The following CPT1A variants were observed in gnomAD, a reference collection of about 807,000 sequenced individuals.
CPT1A encodes the protein carnitine palmitoyltransferase 1A.
CPT1A carries 64 observed loss-of-function variants against 100.8 expected under a neutral mutation model. The ratio of observed to expected loss-of-function variants is 0.63; its 90% CI spans 0.52 to 0.78. CPT1A has a LOEUF of 0.78. Among genes scored for constraint, CPT1A ranks in the 30% least tolerant of loss-of-function variants. The pLI, the probability that CPT1A is intolerant of heterozygous loss-of-function variation, is 0.00. For synonymous variants in CPT1A, 363 were observed against 396.0 expected, an observed-to-expected ratio of 0.92 and a Z score of 0.99; for missense variants, 802 against 1,034.1, an observed-to-expected ratio of 0.78 and a Z score of 3.08.
chr11:68,786,034 G>A (rs144801029), intron 9 of CPT1A: 37 of 702,296 alleles, frequency 5.3e-5, no homozygotes, highest in South Asian at 2.2e-4. Flanking sequence ...AAGGCAGATC[G>A]TCTAGTGAGG....
chr11:68,768,066 CTTTTTTTTT>C (rs71043448), intron 14 of CPT1A, among the ~76,000 whole-genome samples: 50 of 71,248 alleles, frequency 7.0e-4, no homozygotes, highest in African/African-American at 1.7e-3. Context: ...AGTTTCCAGT[CTTTTTTTTT>C]TTTTTTTTTT....
intron 15 of CPT1A, 102 bp downstream of exon 15, chr11:68,762,525 G>A (rs1854656604): frequency 6.9e-7 from 1 of 1,451,664 alleles, no homozygotes; most frequent in Non-Finnish European, 9.6e-7. Flanking sequence ...AAAGAAGAAG[G>A]TACAGGAATG....
At position 68,773,440 on chromosome 11, in the gene CPT1A, A is replaced by C. The variant is rs778920950; in HGVS notation, c.1576-11T>G. ...TATAACCTCTTGACACTTGAGAGAAAGAAGAAAAAGGTTTTACGGAACGAG... is the reference window on the plus strand; with the variant it reads ...TATAACCTCTTGACACTTGAGAGAACGAAGAAAAAGGTTTTACGGAACGAG... On this transcript the variant is annotated splice_polypyrimidine_tract_variant and intron_variant, in intron 13 of 18. Transcript: ENST00000265641. The C allele has an allele frequency of 3.5e-5, 56 of 1,614,030 alleles. No individual in the cohort carries two copies. In the East Asian group the frequency reaches 5.1e-4, roughly 15 times the overall value.
At chr11:68,801,844 A>G (rs1053994652) in intron 5 of CPT1A, among the ~76,000 whole-genome samples, 4 of 152,178 alleles carry the variant, frequency 2.6e-5, no homozygotes, top group African/African-American at 7.2e-5. Context: ...TGGTTCCTCA[A>G]TGAGTTACCA....
rs1946778169 is a variant in CPT1A at position 68,760,234 on chromosome 11, G to A, written c.2133C>T (p.Gly711=). 2 of 1,608,862 alleles carry A rather than the reference G, an allele frequency of 1.2e-6. No individual in the cohort carries two copies. The highest frequency in any genetic ancestry group is 1.7e-6 in the Non-Finnish European group (2 of 1,178,128). Residue 711 remains glycine (G), a synonymous_variant, in exon 17 of 19, where the codon GGC becomes GGT. Coordinates refer to ENST00000265641, the MANE Select transcript of CPT1A (RefSeq NM_001876.4). ...GCCCCGCCGCACTCACCGGTCCAAAGCCCCCTCCGCTGGACACGTACTCTG... is the reference window on the plus strand; with the variant it reads ...GCCCCGCCGCACTCACCGGTCCAAAACCCCCTCCGCTGGACACGTACTCTG... ...NNPEYVSSGG[G]FGPVADDGYG...
intron 2 of CPT1A, among the ~76,000 whole-genome samples, chr11:68,815,098 C>T (rs1050062879): frequency 2.0e-5 from 3 of 152,128 alleles, no homozygotes; most frequent in African/African-American, 7.2e-5. Context: ...CTTTAAGCCT[C>T]GATTTCCCAG....
In CPT1A at chr11:68,786,134, G is replaced by A. The variant is rs1164251647; in HGVS notation, c.968-1124C>T. 8.6e-6 allele frequency: 6 copies of A among 694,376 alleles called. No homozygotes were observed. The Admixed American group carries it at 1.0e-4, about 12-fold the overall frequency. The allele number at this position is 694,376 out of a possible 1,614,324, so 43.0% of individuals were successfully genotyped here. On this transcript the variant is annotated intron_variant, in intron 9 of 18. Coordinates refer to ENST00000265641, the MANE Select transcript of CPT1A (RefSeq NM_001876.4). ...CCCAGCACTTCAGGAGGCCAAGGAG[G>A]GAGGATTGCTTGAGCCCAGGAGTTT...
At chr11:68,761,771 T>A in intron 15 of CPT1A, 84 bp from the exon 16 acceptor site, 1 of 1,508,828 alleles carries the variant, frequency 6.6e-7, no homozygotes, top group Non-Finnish European at 9.2e-7. Context: ...CGCACCCGGC[T>A]AATATTTTTT....
chr11:68,788,424 C>A (rs1855521252), intron 9 of CPT1A, among the ~76,000 whole-genome samples: 1 of 151,776 alleles, frequency 6.6e-6, no homozygotes. Flanking sequence ...CATGGCAAAA[C>A]CCCGTCTCTA....
At chr11:68,761,817 C>A in intron 15 of CPT1A, 130 bp from the exon 16 acceptor site, 1 of 1,122,754 alleles carries the variant, frequency 8.9e-7, no homozygotes, top group Non-Finnish European at 1.3e-6. Flanking sequence ...CAACATGTTG[C>A]CCAGGGTGGT....
chr11:68,755,812 A>G lies in CPT1A; in HGVS notation c.*1832T>C, dbSNP rs1324539979. ...GGGATTTTTACATCATGAAGTATAC[A>G]TACATAAAACATGCATGTGGGCCGC... On this transcript the variant is annotated 3_prime_UTR_variant, in exon 19 of 19. Coordinates refer to ENST00000265641, the MANE Select transcript of CPT1A (RefSeq NM_001876.4). 6.7e-6 allele frequency: 1 copy of G among 149,778 alleles called. No individual in the cohort carries two copies. The highest frequency in any genetic ancestry group is 1.5e-5 in the Non-Finnish European group (1 of 67,626). The allele number at this position is 149,778 out of a possible 1,614,324, so 9.3% of individuals were successfully genotyped here. A position where few individuals can be genotyped will look rare whatever the true frequency, so the allele number is the denominator to read the frequency against.
At chr11:68,822,106 C>T (rs1189970604) in intron 1 of CPT1A, among the ~76,000 whole-genome samples, 5 of 152,110 alleles carry the variant, frequency 3.3e-5, no homozygotes, top group African/African-American at 7.2e-5. Flanking sequence ...GGCCTGGCAC[C>T]GTGGCTCACA....
intron 1 of CPT1A, among the ~76,000 whole-genome samples, chr11:68,832,246 C>T (rs1213679551): frequency 4.6e-5 from 7 of 152,104 alleles, no homozygotes; most frequent in African/African-American, 1.7e-4. Flanking sequence ...CTCAAGAGTT[C>T]GAGACCAGCC....
chr11:68,766,603 A>G (rs1854809284), intron 14 of CPT1A, among the ~76,000 whole-genome samples: 3 of 152,036 alleles, frequency 2.0e-5, no homozygotes, highest in Admixed American at 2.0e-4. Flanking sequence ...CTCCTGCCTC[A>G]GCCTCCCAAG....
intron 2 of CPT1A, 101 bp from the exon 3 acceptor site, chr11:68,812,677 G>A: frequency 7.1e-7 from 1 of 1,398,872 alleles, no homozygotes; most frequent in Non-Finnish European, 1.0e-6. Flanking sequence ...ACAGCAGGCA[G>A]TGAGAAGAGG....
At position 68,775,448 on chromosome 11, in the gene CPT1A, C is replaced by T; in HGVS notation, c.1459-16G>A. ...ACATGACGTACTGTCAAAAATAGAACAAAATTATTAAAACTAACAGTGGTA... is the reference window on the plus strand; with the variant it reads ...ACATGACGTACTGTCAAAAATAGAATAAAATTATTAAAACTAACAGTGGTA... On this transcript the variant is annotated splice_polypyrimidine_tract_variant and intron_variant, in intron 12 of 18. Coordinates refer to ENST00000265641, the MANE Select transcript of CPT1A (RefSeq NM_001876.4). The T allele has an allele frequency of 6.3e-7, 1 of 1,581,998 alleles. No homozygotes were observed. Among genetic ancestry groups the T allele is most frequent in the South Asian group, 1.1e-5 (1 of 90,442 alleles).
At chr11:68,768,626 G>A (rs924736024) in intron 14 of CPT1A, among the ~76,000 whole-genome samples, 7 of 151,024 alleles carry the variant, frequency 4.6e-5, no homozygotes, top group South Asian at 2.1e-4. Context: ...GGCTGGTCTC[G>A]AACTCCTGAC....
At chr11:68,768,410 T>G (rs1854886866) in intron 14 of CPT1A, among the ~76,000 whole-genome samples, 1 of 151,554 alleles carries the variant, frequency 6.6e-6, no homozygotes, top group African/African-American at 2.4e-5. Flanking sequence ...TTCTTCTTCT[T>G]TTTTTATTTT....
intron 4 of CPT1A, 84 bp downstream of exon 4, chr11:68,807,383 C>T: frequency 7.3e-7 from 1 of 1,377,516 alleles, no homozygotes; most frequent in South Asian, 1.2e-5. Context: ...GAAAAGGTCG[C>T]AGGGGTGTCC....
Sources: allele counts gnomAD v4.1 joint callset (sites outside exome capture counted in the v4.1 genomes callset), GRCh38; gene constraint gnomAD v4.1.1; transcripts MANE v1.5; gene names NCBI Gene and HGNC (gene_info 2026-07-23, HGNC 2026-07-21).